B3GALT1: variants seen among roughly 807,000 people sequenced by gnomAD.
B3GALT1 encodes beta-1,3-galactosyltransferase 1.
B3GALT1 carries 10 observed loss-of-function variants against 23.2 expected under a neutral mutation model. The observed-to-expected ratio is 0.43, with a 90% confidence interval of 0.27 to 0.73. The LOEUF (loss-of-function observed/expected upper bound fraction) is 0.73, where lower values mean the gene tolerates loss of function less well. B3GALT1 is among the 30% of genes least tolerant of loss of function. The pLI is 0.21. For missense variants in B3GALT1, 299 were observed against 405.4 expected (o/e 0.74, Z 2.25); for synonymous variants, 156 against 141.5 (o/e 1.10, Z -0.73).
intron 1 of B3GALT1, among the ~76,000 whole-genome samples, chr2:167,330,940 A>C (rs1187695552): frequency 6.7e-6 from 1 of 148,652 alleles, no homozygotes; most frequent in Non-Finnish European, 1.5e-5. Flanking sequence ...TCATATCTGC[A>C]CATCTAGTGT....
chr2:167,640,794 T>C (rs1174787968), intron 2 of B3GALT1, among the ~76,000 whole-genome samples: 1 of 152,196 alleles, frequency 6.6e-6, no homozygotes, highest in East Asian at 1.9e-4. Context: ...AACTGACTCA[T>C]GGTGCTCATT....
At chr2:167,451,448 A>G (rs1250339210) in intron 1 of B3GALT1, among the ~76,000 whole-genome samples, 2 of 152,036 alleles carry the variant, frequency 1.3e-5, no homozygotes, top group Non-Finnish European at 2.9e-5. Flanking sequence ...GGTGAGCTGT[A>G]GTGATTGTTA....
chr2:167,808,405 C>G (rs563595981), intron 3 of B3GALT1, among the ~76,000 whole-genome samples: 6 of 151,630 alleles, frequency 4.0e-5, no homozygotes, highest in African/African-American at 1.2e-4. Flanking sequence ...CCTCAATGGT[C>G]TTTACAGTTT....
intron 3 of B3GALT1, among the ~76,000 whole-genome samples, chr2:167,773,454 A>T (rs1239464230): frequency 6.6e-6 from 1 of 152,208 alleles, no homozygotes; most frequent in Non-Finnish European, 1.5e-5. Flanking sequence ...AGAGCTGCAT[A>T]AAAGATTCAT....
intron 3 of B3GALT1, among the ~76,000 whole-genome samples, chr2:167,673,056 A>G (rs1686360642): frequency 6.6e-6 from 1 of 151,934 alleles, no homozygotes; most frequent in Admixed American, 6.6e-5. Context: ...CTCAAAAAGT[A>G]GACTCAATTA....
chr2:167,371,189 AT>A (rs544507824), intron 1 of B3GALT1, among the ~76,000 whole-genome samples: 1,487 of 147,054 alleles, frequency 0.01, 11 homozygotes, highest in African/African-American at 0.026. Flanking sequence ...AGGGCAGGTG[AT>A]TTTTTTTTTT....
chr2:167,325,146 T>C (rs1696872907), intron 1 of B3GALT1, among the ~76,000 whole-genome samples: 1 of 152,154 alleles, frequency 6.6e-6, no homozygotes, highest in Non-Finnish European at 1.5e-5. Flanking sequence ...ATTGAGATTG[T>C]GAATAGTGCT....
intron 3 of B3GALT1, among the ~76,000 whole-genome samples, chr2:167,740,223 G>T (rs931190533): frequency 6.6e-6 from 1 of 152,052 alleles, no homozygotes; most frequent in East Asian, 1.9e-4. Context: ...CATTTAATAG[G>T]TTCTCTGAGG....
chr2:167,562,281 A>G (rs1318097254), intron 2 of B3GALT1, among the ~76,000 whole-genome samples: 3 of 152,220 alleles, frequency 2.0e-5, no homozygotes, highest in African/African-American at 7.2e-5. Context: ...AACTCTCAAT[A>G]CATTAGGTAT....
At chr2:167,452,592 A>T (rs1440615005) in intron 1 of B3GALT1, among the ~76,000 whole-genome samples, 1 of 152,082 alleles carries the variant, frequency 6.6e-6, no homozygotes, top group Non-Finnish European at 1.5e-5. Context: ...TCCCTTGAAG[A>T]GTCTGTGGAT....
chr2:167,720,709 A>G (rs1418287310), intron 3 of B3GALT1, among the ~76,000 whole-genome samples: 1 of 152,202 alleles, frequency 6.6e-6, no homozygotes, highest in Non-Finnish European at 1.5e-5. Context: ...GAAATGGTGC[A>G]TTGGAGTGTG....
In B3GALT1 at chr2:167,572,877, G is replaced by A. The variant is rs374270189; in HGVS notation, c.-409-74032G>A. Among the ~76,000 whole-genome samples the A allele has an allele frequency of 1.3e-4, 19 of 151,626 alleles. 1 individual carries two copies. Among genetic ancestry groups the A allele is most frequent in the South Asian group, 6.2e-4 (3 of 4,814 alleles). Reference sequence around the variant, plus strand: ...TGATGTATGGATGCCTTAGGTTAGCGGGAAAAAAATATTGCTAGTTGCCCT... The same window carrying A: ...TGATGTATGGATGCCTTAGGTTAGCAGGAAAAAAATATTGCTAGTTGCCCT... On this transcript the variant is annotated intron_variant, in intron 2 of 4. Transcript: ENST00000392690.
intron 3 of B3GALT1, among the ~76,000 whole-genome samples, chr2:167,723,745 G>T (rs1687268133): frequency 6.6e-6 from 1 of 151,968 alleles, no homozygotes; most frequent in Non-Finnish European, 1.5e-5. Flanking sequence ...TGGTCAGGCT[G>T]GTCTCGAACT....
intron 2 of B3GALT1, among the ~76,000 whole-genome samples, chr2:167,559,060 C>A (rs1574136381): frequency 6.6e-6 from 1 of 152,318 alleles, no homozygotes; most frequent in East Asian, 1.9e-4. Context: ...AGGCACCCCC[C>A]AGCAGGGGCA....
At chr2:167,594,070 G>A (rs2105418099) in intron 2 of B3GALT1, among the ~76,000 whole-genome samples, 1 of 152,214 alleles carries the variant, frequency 6.6e-6, no homozygotes, top group African/African-American at 2.4e-5. Flanking sequence ...TATGTACCTG[G>A]CTTACAAAAA....
intron 3 of B3GALT1, among the ~76,000 whole-genome samples, chr2:167,775,082 C>G (rs990158666): frequency 2.6e-5 from 4 of 152,144 alleles, no homozygotes. Context: ...ATCCAATAAT[C>G]TGATTTCTAG....
chr2:167,739,171 C>T (rs1018002105), intron 3 of B3GALT1, among the ~76,000 whole-genome samples: 2 of 152,066 alleles, frequency 1.3e-5, no homozygotes, highest in Admixed American at 6.6e-5. Context: ...TAAGGTGCAC[C>T]CTGTTGAATG....
intron 3 of B3GALT1, among the ~76,000 whole-genome samples, chr2:167,665,954 C>G (rs557969409): frequency 3.9e-5 from 6 of 152,088 alleles, no homozygotes; most frequent in Non-Finnish European, 7.4e-5. Flanking sequence ...TTTTGTGTCT[C>G]TATTTCCTTC....
At chr2:167,664,746 T>G (rs1029258117) in intron 3 of B3GALT1, among the ~76,000 whole-genome samples, 2 of 152,114 alleles carry the variant, frequency 1.3e-5, no homozygotes, top group African/African-American at 4.8e-5. Context: ...AGTTCACTCA[T>G]GATTTGGCTC....
Sources: gnomAD v4.1 joint callset for allele counts (sites outside exome capture counted in the v4.1 genomes callset) on GRCh38, gnomAD v4.1.1 for gene constraint, MANE v1.5 for transcripts, NCBI Gene and HGNC (gene_info 2026-07-23, HGNC 2026-07-21) for gene names.